The following ARPP21 variants were observed in gnomAD, a reference collection of about 807,000 sequenced individuals.
ARPP21 encodes the protein cAMP regulated phosphoprotein 21, also known as cAMP-regulated phosphoprotein 21.
Under a neutral mutation model 113.2 loss-of-function variants are expected in ARPP21, and 69 were observed. The ratio of observed to expected loss-of-function variants is 0.61; its 90% CI spans 0.50 to 0.74. The LOEUF (loss-of-function observed/expected upper bound fraction) is 0.74, where lower values mean the gene tolerates loss of function less well. ARPP21 is among the 30% of genes least tolerant of loss of function. The pLI is 0.00. For missense variants in ARPP21, 1,070 were observed against 1,037.4 expected, an observed-to-expected ratio of 1.03 and a Z score of -0.43; for synonymous variants, 368 against 375.5, an observed-to-expected ratio of 0.98 and a Z score of 0.23.
intron 1 of ARPP21, among the ~76,000 whole-genome samples, chr3:35,660,724 AACTTTTG>A (rs1273059931): frequency 1.5e-4 from 23 of 152,164 alleles, no homozygotes; most frequent in African/African-American, 5.1e-4. Flanking sequence ...GAGAATGACT[AACTTTTG>A]ACTGAGGATT....
intron 1 of ARPP21, among the ~76,000 whole-genome samples, chr3:35,655,259 A>C (rs1210560229): frequency 6.6e-6 from 1 of 151,986 alleles, no homozygotes; most frequent in Non-Finnish European, 1.5e-5. Context: ...TGATATCTAC[A>C]TTTATATATG....
At chr3:35,763,779 C>A (rs1378479) in intron 19 of ARPP21, among the ~76,000 whole-genome samples, 1 of 152,024 alleles carries the variant, frequency 6.6e-6, no homozygotes, top group African/African-American at 2.4e-5. Context: ...GTATTATTTC[C>A]GAAGTTTTCA....
At position 35,667,966 on chromosome 3, in the gene ARPP21, GAAGAAGAAGAAGAA is replaced by G. The variant is rs2075120933; in HGVS notation, c.-212-11820_-212-11807del. Among the ~76,000 whole-genome samples, 4 of 103,786 alleles carry G rather than the reference GAAGAAGAAGAAGAA, an allele frequency of 3.9e-5. No homozygotes were observed. The East Asian group carries it at 1.1e-3, about 28-fold the overall frequency. 68.1% of individuals were successfully genotyped at this position (103,786 alleles called of 152,430 possible). ...AAGAAGAAAAGAAGAAGAAGAAGAA[GAAGAAGAAGAAGAA>G]GAAGAAGAAGAAGAAGAAGAAGAAG... On this transcript the variant is annotated intron_variant, in intron 1 of 20. Transcript: ENST00000684406.
chr3:35,733,038 C>T (rs912904536), intron 15 of ARPP21, among the ~76,000 whole-genome samples: 1 of 152,130 alleles, frequency 6.6e-6, no homozygotes, highest in African/African-American at 2.4e-5. Flanking sequence ...TTCTCTCACC[C>T]CTTCTCTCTC....
intron 1 of ARPP21, among the ~76,000 whole-genome samples, chr3:35,676,446 A>AT: frequency 1.3e-5 from 2 of 152,072 alleles, no homozygotes; most frequent in Non-Finnish European, 2.9e-5. Context: ...AAACATTTAT[A>AT]TTCCCTGAAA....
chr3:35,772,577 G>T (rs971449535), intron 19 of ARPP21, among the ~76,000 whole-genome samples: 1 of 152,174 alleles, frequency 6.6e-6, no homozygotes, highest in Admixed American at 6.5e-5. Flanking sequence ...GCTCAGAGAT[G>T]AGTCAGCATC....
At chr3:35,788,278 C>A (rs1346394701) in intron 19 of ARPP21, among the ~76,000 whole-genome samples, 1 of 152,166 alleles carries the variant, frequency 6.6e-6, no homozygotes, top group Admixed American at 6.5e-5. Context: ...ACACCGTGTA[C>A]AAAGAGCAGA....
upstream of ARPP21, among the ~76,000 whole-genome samples, chr3:35,639,210 G>T (rs943653404): frequency 5.3e-5 from 8 of 152,088 alleles, no homozygotes; most frequent in Admixed American, 3.9e-4. This position sits in a 1 kb window ranked among gnomAD's most constrained non-coding sequence, Gnocchi z 5.0. Flanking sequence ...GGCGGAGAAC[G>T]GCCCAGGGAA....
intron 19 of ARPP21, among the ~76,000 whole-genome samples, chr3:35,771,333 G>A (rs1293295175): frequency 7.0e-6 from 1 of 143,236 alleles, no homozygotes; most frequent in African/African-American, 2.6e-5. Context: ...GGTAATGATT[G>A]TTTTTTTTTT....
intron 4 of ARPP21, 53 bp downstream of exon 4, chr3:35,682,942 A>G (rs369717960): frequency 6.8e-7 from 1 of 1,468,994 alleles, no homozygotes; most frequent in African/African-American, 1.4e-5. Flanking sequence ...TAAATTACAT[A>G]TTTTACATCA....
chr3:35,690,796 A>C, intron 8 of ARPP21, 69 bp from the exon 9 acceptor site: 1 of 1,413,160 alleles, frequency 7.1e-7, no homozygotes. Flanking sequence ...TTGTGTGTAT[A>C]CTTGTAAAAA....
chr3:35,714,492 A>T (rs1207489497), intron 11 of ARPP21, among the ~76,000 whole-genome samples: 1 of 152,170 alleles, frequency 6.6e-6, no homozygotes, highest in Non-Finnish European at 1.5e-5. Flanking sequence ...TTCCTGTAAC[A>T]AGTCATTTAT....
intron 9 of ARPP21, among the ~76,000 whole-genome samples, chr3:35,703,845 T>G (rs530486904): frequency 1.3e-5 from 2 of 152,076 alleles, no homozygotes; most frequent in East Asian, 3.9e-4. Context: ...TCTATTCATT[T>G]TATTGCTTAG....
rs181895071 is a variant in ARPP21 at position 35,747,285 on chromosome 3, G to A, written c.2137+3320G>A. On this transcript the variant is annotated intron_variant, in intron 19 of 20. Transcript: ENST00000684406. ...CAGGAGAATCGCTTGAACCTGGGAG[G>A]TGGAGGTGGCAGTGAGTCGAGATTG... 4.6e-5 allele frequency among the ~76,000 whole-genome samples: 7 copies of A among 151,174 alleles called. No homozygotes were observed. In the East Asian group the frequency reaches 1.4e-3, roughly 30 times the overall value.
At chr3:35,704,246 T>A (rs753213664) in intron 9 of ARPP21, among the ~76,000 whole-genome samples, 3 of 151,834 alleles carry the variant, frequency 2.0e-5, no homozygotes, top group Non-Finnish European at 4.4e-5. Context: ...ATAATTTGTA[T>A]TGGGAAATAT....
rs548340997 is a variant in ARPP21, at chr3:35,789,357, T to C, written c.2138-3025T>C. 2.0e-5 allele frequency among the ~76,000 whole-genome samples: 3 copies of C among 152,322 alleles called. No individual in the cohort carries two copies. The East Asian group carries it at 5.8e-4, about 29-fold the overall frequency. The stretch of plus-strand genomic sequence containing the variant: ...ATTCACATCCAGACAGCTGCCTGTC[T>C]TAAAGACCATTCTGCTCTACCTTCT... On this transcript the variant is annotated intron_variant, in intron 19 of 20. Transcript: ENST00000684406.
intron 3 of ARPP21, chr3:35,682,365 G>C (rs1188356073): frequency 6.3e-6 from 1 of 158,780 alleles, no homozygotes; most frequent in Admixed American, 6.4e-5. Context: ...GAGAGTACTT[G>C]AAGGAGGAAA....
chr3:35,741,892 G>A (rs973302683), intron 18 of ARPP21, among the ~76,000 whole-genome samples: 3 of 152,124 alleles, frequency 2.0e-5, no homozygotes, highest in African/African-American at 7.2e-5. Flanking sequence ...TCCGGTTGGG[G>A]ATCATAGTTC....
At chr3:35,671,096 C>T (rs1287228217) in intron 1 of ARPP21, among the ~76,000 whole-genome samples, 1 of 152,092 alleles carries the variant, frequency 6.6e-6, no homozygotes, top group East Asian at 1.9e-4. Context: ...GCACATAGCT[C>T]CTTTCACTCC....
Sources: allele counts gnomAD v4.1 joint callset (sites outside exome capture counted in the v4.1 genomes callset), GRCh38; gene constraint gnomAD v4.1.1; non-coding constraint Gnocchi (gnomAD v3.1); transcripts MANE v1.5; gene names NCBI Gene and HGNC (gene_info 2026-07-23, HGNC 2026-07-21).